The following CAB39L variants were observed in gnomAD, a reference collection of about 807,000 sequenced individuals.
CAB39L encodes calcium binding protein 39 like.
A neutral mutation model predicts 39.1 loss-of-function variants in CAB39L; 23 were observed. That is an observed-to-expected ratio of 0.59 (90% CI 0.42 to 0.83). The LOEUF is 0.83. CAB39L is among the 40% of genes least tolerant of loss of function. CAB39L has a pLI of 0.00. For missense variants in CAB39L, 366 were observed against 391.9 expected (o/e 0.93, Z 0.56); for synonymous variants, 126 against 137.2 (o/e 0.92, Z 0.57).
intron 5 of CAB39L, among the ~76,000 whole-genome samples, chr13:49,375,193 T>C (rs909993620): frequency 2.6e-5 from 4 of 152,138 alleles, no homozygotes; most frequent in Non-Finnish European, 5.9e-5. Flanking sequence ...TTTTATTTAG[T>C]TTAATATTTA....
chr13:49,367,758 A>G (rs780048807), intron 5 of CAB39L, among the ~76,000 whole-genome samples: 2 of 152,136 alleles, frequency 1.3e-5, no homozygotes, highest in Non-Finnish European at 2.9e-5. Flanking sequence ...CTCTACAAAA[A>G]AATACAAAAA....
chr13:49,357,716 C>T (rs532067914), intron 6 of CAB39L, among the ~76,000 whole-genome samples: 538 of 152,298 alleles, frequency 3.5e-3, no homozygotes, highest in Non-Finnish European at 6.3e-3. Flanking sequence ...CTTCCCCAGA[C>T]TCTTCCAAGC....
At chr13:49,434,274 G>C in intron 1 of CAB39L, 51 bp from the exon 2 acceptor site, 1 of 413,178 alleles carries the variant, frequency 2.4e-6, no homozygotes. Context: ...CATCAATCTG[G>C]TTTTAAATCT....
chr13:49,404,898 GAATAAA>G (rs1956839964), intron 3 of CAB39L, among the ~76,000 whole-genome samples: 1 of 151,996 alleles, frequency 6.6e-6, no homozygotes. Context: ...AAAGAAAAAA[GAATAAA>G]AATAATGTAG....
At chr13:49,348,839 T>C (rs1298254012) in intron 7 of CAB39L, among the ~76,000 whole-genome samples, 1 of 152,136 alleles carries the variant, frequency 6.6e-6, no homozygotes, top group Non-Finnish European at 1.5e-5. Flanking sequence ...CACCCACCAC[T>C]CTTTGGTCTT....
chr13:49,379,771 A>G lies in CAB39L; in HGVS notation c.112-2640T>C, dbSNP rs992470165. On this transcript the variant is annotated intron_variant, in intron 4 of 10. Coordinates refer to ENST00000409308, the MANE Select transcript of CAB39L (RefSeq NM_001079670.3). The stretch of plus-strand genomic sequence containing the variant: ...TGCCTTTTTTATTTTGGAAAATATT[A>G]TAAGTATTATAAAATTTATTTATAT... Among the ~76,000 whole-genome samples, 3 of 151,798 alleles carry G rather than the reference A, an allele frequency of 2.0e-5. No homozygotes were observed. The South Asian group carries it at 6.2e-4, about 31-fold the overall frequency.
Position 49,366,832 on chromosome 13 carries a change from G to A in CAB39L, c.277-7000C>T, listed in dbSNP as rs145902661. 5.8e-3 allele frequency among the ~76,000 whole-genome samples: 884 copies of A among 151,950 alleles called. 7 individuals are homozygous for A. The highest frequency in any genetic ancestry group is 0.02 in the African/African-American group (820 of 41,442). On this transcript the variant is annotated intron_variant, in intron 5 of 10. Coordinates refer to ENST00000409308, the MANE Select transcript of CAB39L (RefSeq NM_001079670.3). ...GGAGTTCGAGACCAGCCTGACCAACGTGGTGAAACCTTGTCTCTACTAAAA... is the reference window on the plus strand; with the variant it reads ...GGAGTTCGAGACCAGCCTGACCAACATGGTGAAACCTTGTCTCTACTAAAA...
chr13:49,325,417 C>G (rs1041975940), intron 10 of CAB39L, among the ~76,000 whole-genome samples: 1 of 152,208 alleles, frequency 6.6e-6, no homozygotes, highest in Non-Finnish European at 1.5e-5. Flanking sequence ...TTCCTAAATT[C>G]ACTTGGTCTC....
At chr13:49,430,557 C>CAA (rs200879119) in intron 3 of CAB39L, among the ~76,000 whole-genome samples, 2,011 of 152,296 alleles carry the variant, frequency 0.013, 25 homozygotes, top group Middle Eastern at 0.037. Flanking sequence ...ACTAACTATA[C>CAA]ATTTCTTTTT....
intron 6 of CAB39L, among the ~76,000 whole-genome samples, chr13:49,355,582 C>A (rs1955462093): frequency 6.6e-6 from 1 of 151,810 alleles, no homozygotes; most frequent in South Asian, 2.1e-4. Context: ...CTCGTTACAC[C>A]AGAAAGCAAA....
Position 49,395,328 on chromosome 13 carries a change from C to T in CAB39L, c.-31-12387G>A, listed in dbSNP as rs187016104. On this transcript the variant is annotated intron_variant, in intron 3 of 10. Coordinates refer to ENST00000409308, the MANE Select transcript of CAB39L (RefSeq NM_001079670.3). ...TCGGCTCACTGCAACCTCCGCCCCCCGGGTTCAAGCGATTCTCCTGCCTCA... is the reference window on the plus strand; with the variant it reads ...TCGGCTCACTGCAACCTCCGCCCCCTGGGTTCAAGCGATTCTCCTGCCTCA... Among the ~76,000 whole-genome samples the T allele has an allele frequency of 1.6e-4, 25 of 151,836 alleles. No homozygotes were observed. The East Asian group carries it at 1.7e-3, about 11-fold the overall frequency.
chr13:49,330,033 C>G (rs1954643255), intron 10 of CAB39L, among the ~76,000 whole-genome samples: 1 of 152,110 alleles, frequency 6.6e-6, no homozygotes, highest in Non-Finnish European at 1.5e-5. Flanking sequence ...GACCCAGCTG[C>G]AAAATTCCAG....
At chr13:49,424,211 C>G (rs1213514121) in intron 3 of CAB39L, among the ~76,000 whole-genome samples, 1 of 152,190 alleles carries the variant, frequency 6.6e-6, no homozygotes, top group African/African-American at 2.4e-5. Context: ...ACCTCACCAA[C>G]ACTACCTCAC....
At chr13:49,311,996 C>T (rs541750249) in intron 10 of CAB39L, among the ~76,000 whole-genome samples, 4 of 152,174 alleles carry the variant, frequency 2.6e-5, no homozygotes, top group Non-Finnish European at 4.4e-5. Context: ...TGGGCTCAAG[C>T]GATCCTCCCG....
intron 5 of CAB39L, among the ~76,000 whole-genome samples, chr13:49,363,468 A>G (rs1225921436): frequency 6.6e-6 from 1 of 152,174 alleles, no homozygotes; most frequent in African/African-American, 2.4e-5. Context: ...CGCATGCCTC[A>G]TGGTAACCTC....
chr13:49,436,553 CTTTTTTTTT>C (rs57141770), intron 1 of CAB39L, among the ~76,000 whole-genome samples: 1 of 73,428 alleles, frequency 1.4e-5, no homozygotes, highest in African/African-American at 6.0e-5. Context: ...TTCTTTATGA[CTTTTTTTTT>C]TTTTTTTTTT....
intron 3 of CAB39L, among the ~76,000 whole-genome samples, chr13:49,383,821 AAAAC>A (rs1344469969): frequency 6.6e-6 from 1 of 151,632 alleles, no homozygotes; most frequent in Non-Finnish European, 1.5e-5. Context: ...TAATAAAACA[AAAAC>A]AAAAGCAAAA....
intron 6 of CAB39L, among the ~76,000 whole-genome samples, chr13:49,355,802 G>T (rs1171032127): frequency 6.6e-6 from 1 of 151,484 alleles, no homozygotes; most frequent in Non-Finnish European, 1.5e-5. Flanking sequence ...CATATATAAA[G>T]GCAGGGGGAG....
At chr13:49,434,655 G>C (rs1366109662) in intron 1 of CAB39L, among the ~76,000 whole-genome samples, 3 of 151,278 alleles carry the variant, frequency 2.0e-5, no homozygotes, top group African/African-American at 4.9e-5. Context: ...TGGGAGTTTG[G>C]GACCAGCCTG....
Sources: gnomAD v4.1 joint callset for allele counts (sites outside exome capture counted in the v4.1 genomes callset) on GRCh38, gnomAD v4.1.1 for gene constraint, MANE v1.5 for transcripts, NCBI Gene and HGNC (gene_info 2026-07-23, HGNC 2026-07-21) for gene names.